XPOT: variants seen among roughly 807,000 people sequenced by gnomAD.
XPOT encodes exportin-T.
Under a neutral mutation model 128.2 loss-of-function variants are expected in XPOT, and 34 were observed. The observed-to-expected ratio is 0.27, with a 90% CI of 0.20 to 0.35. The LOEUF (loss-of-function observed/expected upper bound fraction) is 0.35, where lower values mean the gene tolerates loss of function less well. Among genes scored for constraint, XPOT ranks in the 10% least tolerant of loss-of-function variants. The pLI, the probability that XPOT is intolerant of heterozygous loss-of-function variation, is 1.00. For synonymous variants in XPOT, 348 were observed against 394.3 expected, an observed-to-expected ratio of 0.88 and a Z score of 1.39; for missense variants, 838 against 1,125.3, an observed-to-expected ratio of 0.74 and a Z score of 3.65.
At chr12:64,405,947 C>A (rs1319552978) in intron 1 of XPOT, among the ~76,000 whole-genome samples, 3 of 151,794 alleles carry the variant, frequency 2.0e-5, no homozygotes, top group East Asian at 2.0e-4. Context: ...CAAATGCCTT[C>A]TATGTGGGGG....
intron 23 of XPOT, among the ~76,000 whole-genome samples, chr12:64,444,206 T>G (rs2040349666): frequency 6.6e-6 from 1 of 152,224 alleles, no homozygotes; most frequent in Non-Finnish European, 1.5e-5. Context: ...TTACTAGATG[T>G]GAGCAGCCGT....
rs1480186627 is a variant in XPOT at position 64,427,517 on chromosome 12, T to TG, written c.1668-529dup. Among the ~76,000 whole-genome samples the TG allele has an allele frequency of 2.6e-5, 4 of 152,064 alleles. No individual in the cohort carries two copies. In the South Asian group the frequency reaches 8.3e-4, roughly 32 times the overall value. On this transcript the variant is annotated intron_variant, in intron 15 of 24. Coordinates refer to ENST00000332707, the MANE Select transcript of XPOT (RefSeq NM_007235.6). ...GTTTTTTGTTGTTATTTTTTTGAGA[T>TG]GGGGGTCTCATGCTGTCGCCTAGGC...
intron 19 of XPOT, among the ~76,000 whole-genome samples, chr12:64,434,068 T>A (rs2040261355): frequency 6.6e-6 from 1 of 152,162 alleles, no homozygotes; most frequent in Non-Finnish European, 1.5e-5. Flanking sequence ...CAGGCTGTAG[T>A]GCAGTGGTGT....
intron 9 of XPOT, among the ~76,000 whole-genome samples, chr12:64,422,758 C>G (rs1049083000): frequency 6.6e-6 from 1 of 151,914 alleles, no homozygotes; most frequent in Non-Finnish European, 1.5e-5. Flanking sequence ...GAAAACTAGC[C>G]AAGTGTGGTG....
chr12:64,412,631 C>G (rs1170606899), intron 2 of XPOT, among the ~76,000 whole-genome samples: 2 of 152,116 alleles, frequency 1.3e-5, no homozygotes, highest in Non-Finnish European at 2.9e-5. Context: ...TTACTCTGGG[C>G]TGTTTTCCAA....
At chr12:64,436,709 T>C (rs2040285163) in intron 22 of XPOT, among the ~76,000 whole-genome samples, 1 of 151,354 alleles carries the variant, frequency 6.6e-6, no homozygotes. Flanking sequence ...GCCTCCTGAA[T>C]AGCTGGGAGT....
chr12:64,431,239 C>T (rs764320039), intron 17 of XPOT, among the ~76,000 whole-genome samples: 1 of 152,156 alleles, frequency 6.6e-6, no homozygotes, highest in Non-Finnish European at 1.5e-5. Context: ...CCACAATACC[C>T]AGCCCAGTCA....
Position 64,441,393 on chromosome 12 carries a change from G to A in XPOT, c.2805+2078G>A, listed in dbSNP as rs576469428. ...GGACTCAAAGAATCCTTCTGCCTCT[G>A]CCTCCCAAGTAGCTAGGATATATGT... On this transcript the variant is annotated intron_variant, in intron 23 of 24. Coordinates refer to ENST00000332707, the MANE Select transcript of XPOT (RefSeq NM_007235.6). Among the ~76,000 whole-genome samples the A allele has an allele frequency of 3.9e-5, 6 of 152,294 alleles. No homozygotes were observed. The East Asian group carries it at 9.6e-4, about 24-fold the overall frequency.
At chr12:64,427,713 A>C (rs926740821) in intron 15 of XPOT, among the ~76,000 whole-genome samples, 6 of 151,956 alleles carry the variant, frequency 3.9e-5, no homozygotes, top group Non-Finnish European at 7.4e-5. Context: ...GCCTGGTCTC[A>C]AATTCTTTAG....
chr12:64,408,846 G>A (rs1396427968), intron 1 of XPOT, among the ~76,000 whole-genome samples: 3 of 152,004 alleles, frequency 2.0e-5, no homozygotes, highest in Admixed American at 1.3e-4. Flanking sequence ...GCTGATTTTT[G>A]TCTTTTTAGT....
chr12:64,441,612 A>G (rs1172856779), intron 23 of XPOT, among the ~76,000 whole-genome samples: 1 of 152,112 alleles, frequency 6.6e-6, no homozygotes, highest in Non-Finnish European at 1.5e-5. Context: ...TCTTATACGG[A>G]TTGCCTTGAA....
chr12:64,443,290 A>G (rs2040341621), intron 23 of XPOT: 2 of 152,230 alleles, frequency 1.3e-5, no homozygotes, highest in African/African-American at 4.8e-5. Flanking sequence ...TGGTCTGGGT[A>G]TTGCAGAAGG....
chr12:64,437,063 T>C (rs1372733617), intron 22 of XPOT, among the ~76,000 whole-genome samples: 1 of 152,190 alleles, frequency 6.6e-6, no homozygotes, highest in East Asian at 1.9e-4. Flanking sequence ...GAACATGAGC[T>C]TTTGCTCAGT....
At position 64,435,631 on chromosome 12, in the gene XPOT, T is replaced by C; in HGVS notation, c.2690T>C (p.Leu897Ser). The part of the protein sequence containing the change: ...DLADAQTVLA[L>S]SECAVTLKTI... ...TCTTAAACTTGTTTTTCACAGGCTT[T>C]ATCTGAGTGTGCAGTGACACTGAAA... The change falls in exon 22 of 25, where the codon TTA (leucine) becomes TCA (serine). Residue 897 changes from leucine (L) to serine (S), a missense_variant. Around this residue, in one of 3 missense-constraint regions of XPOT, gnomAD observed 56 missense variants for 79.2 expected, o/e 0.71. Transcript: ENST00000332707. 1.3e-6 allele frequency: 2 copies of C among 1,597,166 alleles called. No homozygotes were observed. Among genetic ancestry groups the C allele is most frequent in the East Asian group, 2.3e-5 (1 of 43,978 alleles).
intron 24 of XPOT, among the ~76,000 whole-genome samples, chr12:64,447,870 C>T (rs1463146512): frequency 1.3e-5 from 2 of 152,214 alleles, no homozygotes; most frequent in African/African-American, 4.8e-5. Context: ...AGAGATAACA[C>T]CATATTTTCA....
At chr12:64,416,636 C>A in intron 3 of XPOT, 62 bp from the exon 4 acceptor site, 1 of 1,390,280 alleles carries the variant, frequency 7.2e-7, no homozygotes, top group Non-Finnish European at 1.0e-6. Flanking sequence ...TACTATTTTG[C>A]CTTTGATTTG....
At chr12:64,406,772 G>C (rs2039987345) in intron 1 of XPOT, among the ~76,000 whole-genome samples, 1 of 152,096 alleles carries the variant, frequency 6.6e-6, no homozygotes, top group African/African-American at 2.4e-5. Flanking sequence ...TTTTCTCTCT[G>C]TGGGCATTTT....
At chr12:64,406,140 A>G (rs2039979681) in intron 1 of XPOT, among the ~76,000 whole-genome samples, 1 of 151,950 alleles carries the variant, frequency 6.6e-6, no homozygotes, top group Admixed American at 6.5e-5. Flanking sequence ...CAATGACACG[A>G]TCTCCGCTCA....
chr12:64,423,333 C>CT (rs2040158882), intron 11 of XPOT, 89 bp downstream of exon 11: 1 of 896,106 alleles, frequency 1.1e-6, no homozygotes, highest in African/African-American at 1.7e-5. Flanking sequence ...TTTCGGGGCC[C>CT]TTTAAAACAT....
Sources: gnomAD v4.1 joint callset for allele counts (sites outside exome capture counted in the v4.1 genomes callset) on GRCh38, gnomAD v4.1.1 for gene constraint, gnomAD v4.1.1 regional missense constraint, MANE v1.5 for transcripts, NCBI Gene and HGNC (gene_info 2026-07-23, HGNC 2026-07-21) for gene names.